Variants in LRRC72 observed in about 807,000 individuals in gnomAD.
LRRC72 encodes the protein leucine rich repeat containing 72, also known as leucine-rich repeat-containing protein 72.
In LRRC72, 41 loss-of-function variants were observed where a neutral mutation model predicts 35.8. That is an observed-to-expected ratio of 1.15 (90% CI 0.89 to 1.49). LRRC72 has a LOEUF of 1.49. Among genes scored for constraint, LRRC72 ranks in the 40% most tolerant of loss-of-function variants. The pLI, the probability that LRRC72 is intolerant of heterozygous loss-of-function variation, is 0.00. For missense variants in LRRC72, 389 were observed against 330.7 expected, an observed-to-expected ratio of 1.18 and a Z score of -1.37; for synonymous variants, 118 against 119.2, an observed-to-expected ratio of 0.99 and a Z score of 0.07.
intron 7 of LRRC72, among the ~76,000 whole-genome samples, chr7:16,573,908 A>T (rs1335446911): frequency 2.0e-5 from 3 of 152,234 alleles, no homozygotes; most frequent in Admixed American, 2.0e-4. Context: ...CATCCATCTG[A>T]TGAAGGGCTA....
chr7:16,561,813 G>C (rs1301622385), intron 5 of LRRC72, among the ~76,000 whole-genome samples: 1 of 152,180 alleles, frequency 6.6e-6, no homozygotes, highest in African/African-American at 2.4e-5. Context: ...TATTTGTGCA[G>C]TCATGTCCTC....
intron 5 of LRRC72, among the ~76,000 whole-genome samples, chr7:16,565,088 A>G (rs1782805964): frequency 6.6e-6 from 1 of 152,128 alleles, no homozygotes; most frequent in African/African-American, 2.4e-5. Context: ...GGTTCTCCTT[A>G]TTAGGTGTAT....
At chr7:16,580,542 A>T in intron 8 of LRRC72, among the ~76,000 whole-genome samples, 1 of 152,050 alleles carries the variant, frequency 6.6e-6, no homozygotes, top group East Asian at 1.9e-4. Flanking sequence ...TACTCAGGAG[A>T]CTGAGGCAGG....
rs28842018 is a variant in LRRC72 at position 16,539,882 on chromosome 7, C to T, written c.234+2186C>T. ...AGATTTCAGAGGATATATGGAAATGCCTGAATGTCTAGGCAGAAGTCTGCT... is the reference window on the plus strand; with the variant it reads ...AGATTTCAGAGGATATATGGAAATGTCTGAATGTCTAGGCAGAAGTCTGCT... On this transcript the variant is annotated intron_variant, in intron 3 of 8. Transcript: ENST00000401542. 6.2e-3 allele frequency among the ~76,000 whole-genome samples: 937 copies of T among 152,302 alleles called. 11 individuals are homozygous for T. Among genetic ancestry groups the T allele is most frequent in the African/African-American group, 0.021 (876 of 41,562 alleles).
At chr7:16,579,066 G>C (rs557603011) in intron 7 of LRRC72, among the ~76,000 whole-genome samples, 2 of 152,094 alleles carry the variant, frequency 1.3e-5, no homozygotes, top group African/African-American at 4.8e-5. Flanking sequence ...ATAGTTAGCC[G>C]TATTGTATAC....
chr7:16,555,374 G>A (rs1782632953), intron 3 of LRRC72, among the ~76,000 whole-genome samples: 1 of 152,200 alleles, frequency 6.6e-6, no homozygotes, highest in African/African-American at 2.4e-5. Context: ...AGATTTGAGA[G>A]GGGCATGAAT....
intron 3 of LRRC72, among the ~76,000 whole-genome samples, chr7:16,552,177 A>T (rs983795267): frequency 3.3e-5 from 5 of 152,228 alleles, no homozygotes; most frequent in African/African-American, 1.2e-4. Flanking sequence ...TAAGCTAATA[A>T]TAATGAGTTG....
chr7:16,571,420 A>T (rs1223884576), intron 7 of LRRC72, among the ~76,000 whole-genome samples: 2 of 151,270 alleles, frequency 1.3e-5, no homozygotes, highest in Non-Finnish European at 3.0e-5. Flanking sequence ...CCGAATAGGA[A>T]CAGCTCCAGT....
intron 2 of LRRC72, among the ~76,000 whole-genome samples, chr7:16,534,609 C>T (rs1782221511): frequency 6.6e-6 from 1 of 152,014 alleles, no homozygotes; most frequent in Non-Finnish European, 1.5e-5. Flanking sequence ...CGCCACTGCA[C>T]TCCAGCCTGG....
intron 7 of LRRC72, among the ~76,000 whole-genome samples, chr7:16,576,292 T>C (rs1306006952): frequency 6.6e-6 from 1 of 152,198 alleles, no homozygotes; most frequent in Non-Finnish European, 1.5e-5. Context: ...GCTTCTATAT[T>C]TGTTTTTTTA....
chr7:16,559,654 C>T (rs13232164), intron 5 of LRRC72, among the ~76,000 whole-genome samples: 35,120 of 151,740 alleles, frequency 0.23, 4,877 homozygotes, highest in African/African-American at 0.36. Context: ...ACAGCAACAC[C>T]GAGAGGTAAC....
chr7:16,572,105 AG>A (rs1467667232), intron 7 of LRRC72, among the ~76,000 whole-genome samples: 3 of 152,210 alleles, frequency 2.0e-5, no homozygotes, highest in Non-Finnish European at 4.4e-5. Flanking sequence ...GGACTAAACC[AG>A]GAAGAACTCA....
chr7:16,552,151 C>T (rs1454896878), intron 3 of LRRC72, among the ~76,000 whole-genome samples: 1 of 152,028 alleles, frequency 6.6e-6, no homozygotes, highest in Non-Finnish European at 1.5e-5. Flanking sequence ...CAACTCAGTC[C>T]CCAAAGCTGA....
At chr7:16,538,318 TC>T (rs372447290) in intron 3 of LRRC72, among the ~76,000 whole-genome samples, 52 of 152,272 alleles carry the variant, frequency 3.4e-4, no homozygotes, top group African/African-American at 1.2e-3. Context: ...GAAGCAAAGT[TC>T]TTTGCTTTGT....
At chr7:16,549,389 C>T (rs545966238) in intron 3 of LRRC72, among the ~76,000 whole-genome samples, 2 of 152,170 alleles carry the variant, frequency 1.3e-5, no homozygotes, top group East Asian at 3.9e-4. Flanking sequence ...AGAAAGTTCT[C>T]AAAATCAAAG....
intron 7 of LRRC72, among the ~76,000 whole-genome samples, chr7:16,570,348 C>T (rs1782922375): frequency 6.6e-6 from 1 of 152,164 alleles, no homozygotes; most frequent in Non-Finnish European, 1.5e-5. Context: ...CATGAGCTCT[C>T]CTTACTGCCT....
intron 7 of LRRC72, among the ~76,000 whole-genome samples, chr7:16,570,425 T>C (rs1782923345): frequency 6.6e-6 from 1 of 152,224 alleles, no homozygotes; most frequent in Non-Finnish European, 1.5e-5. Context: ...TTTCACACTT[T>C]TAAATAATTT....
chr7:16,576,595 A>G (rs756241078), intron 7 of LRRC72, among the ~76,000 whole-genome samples: 3 of 152,188 alleles, frequency 2.0e-5, no homozygotes, highest in African/African-American at 4.8e-5. Flanking sequence ...GTTTTATTGC[A>G]TGATAGCCAA....
In LRRC72 at chr7:16,527,017, A is replaced by G; in HGVS notation, c.65A>G (p.Glu22Gly). Residue 22 changes from glutamate (E) to glycine (G), a missense_variant, in exon 1 of 9, where the codon GAA becomes GGA. Physicochemically the swap from Glu to Gly is moderately conservative, Grantham distance 98. Transcript: ENST00000401542. ...LRCWRLRRAS[E>G]TALQSSRRAV... ...TGCTGGCGCCTACGGAGGGCATCCG[A>G]AACTGCCCTACAGAGCAGTCGCCGG... is the stretch of plus-strand genomic sequence containing the variant. The G allele has an allele frequency of 3.2e-6, 5 of 1,539,284 alleles. No individual in the cohort carries two copies. The highest frequency in any genetic ancestry group is 4.4e-6 in the Non-Finnish European group (5 of 1,146,922).
Sources: allele counts gnomAD v4.1 joint callset (sites outside exome capture counted in the v4.1 genomes callset), GRCh38; gene constraint gnomAD v4.1.1; transcripts MANE v1.5; gene names NCBI Gene and HGNC (gene_info 2026-07-23, HGNC 2026-07-21).